Variants in DYNC2H1 observed in about 807,000 individuals in gnomAD.
DYNC2H1 encodes the protein dynein cytoplasmic 2 heavy chain 1.
DYNC2H1 carries 410 observed loss-of-function variants against 570.0 expected under a neutral mutation model. The ratio of observed to expected loss-of-function variants is 0.72; its 90% CI spans 0.66 to 0.78. DYNC2H1 has a LOEUF of 0.78. DYNC2H1 is among the 30% of genes least tolerant of loss of function. The pLI is 0.00. For missense variants in DYNC2H1, 4,865 were observed against 5,046.4 expected (o/e 0.96, Z 1.09); for synonymous variants, 1,688 against 1,677.6 (o/e 1.01, Z -0.15).
chr11:103,402,239 G>T (rs889355457), intron 84 of DYNC2H1: 12 of 152,222 alleles, frequency 7.9e-5, no homozygotes, highest in African/African-American at 2.9e-4. Context: ...CCTGTTGAGG[G>T]TCAACGTCCC....
intron 59 of DYNC2H1, among the ~76,000 whole-genome samples, chr11:103,225,242 G>T (rs1413373797): frequency 2.0e-5 from 3 of 152,104 alleles, no homozygotes; most frequent in Non-Finnish European, 4.4e-5. Flanking sequence ...CTATGCAGAA[G>T]GATTTTAGTT....
intron 34 of DYNC2H1, 53 bp from the exon 35 acceptor site, chr11:103,173,029 T>C (rs1861635649): frequency 2.0e-6 from 2 of 976,412 alleles, no homozygotes; most frequent in South Asian, 3.6e-5. Context: ...ATATGTTAAA[T>C]ATTTTAACTT....
In DYNC2H1 at chr11:103,241,060, G is replaced by A. The variant is rs370080924; in HGVS notation, c.9820-2633G>A. Among the ~76,000 whole-genome samples the A allele has an allele frequency of 2.0e-5, 3 of 151,970 alleles. No individual in the cohort carries two copies. Among genetic ancestry groups the A allele is most frequent in the South Asian group, 4.1e-4 (2 of 4,830 alleles). On this transcript the variant is annotated intron_variant, in intron 63 of 88. Coordinates refer to ENST00000375735, the MANE Select transcript of DYNC2H1 (RefSeq NM_001377.3). This position sits in a 1 kb window ranked among gnomAD's most constrained non-coding sequence, Gnocchi z 5.1. Reference sequence around the variant, plus strand: ...TTTTCTTTCTTCACTTCTTTGCCTAGCTGATCTCTCTTGTCTTAGTTTGAC... The same window carrying A: ...TTTTCTTTCTTCACTTCTTTGCCTAACTGATCTCTCTTGTCTTAGTTTGAC...
chr11:103,327,148 A>G (rs1938540955), intron 82 of DYNC2H1, among the ~76,000 whole-genome samples: 1 of 151,934 alleles, frequency 6.6e-6, no homozygotes, highest in Non-Finnish European at 1.5e-5. Flanking sequence ...CACCCTGAGC[A>G]TCAGCGTCAC....
chr11:103,136,140 G>A (rs903549234), intron 17 of DYNC2H1, among the ~76,000 whole-genome samples, 192 bp downstream of exon 17: 39 of 151,430 alleles, frequency 2.6e-4, no homozygotes, highest in African/African-American at 9.0e-4. Flanking sequence ...TTATGGGAAA[G>A]ATTTTTTTTT....
chr11:103,474,775 GA>G (rs775498440), intron 88 of DYNC2H1, among the ~76,000 whole-genome samples: 1 of 151,968 alleles, frequency 6.6e-6, no homozygotes, highest in Non-Finnish European at 1.5e-5. Context: ...GTATGTTTAG[GA>G]AGAAACATAG....
intron 83 of DYNC2H1, among the ~76,000 whole-genome samples, chr11:103,361,125 A>G (rs1940613752): frequency 6.6e-6 from 1 of 152,204 alleles, no homozygotes. Context: ...AGGGGATGCT[A>G]TGATCTGAAT....
chr11:103,315,944 T>C (rs11225708), intron 79 of DYNC2H1, among the ~76,000 whole-genome samples: 25,184 of 151,966 alleles, frequency 0.17, 2,279 homozygotes, highest in Admixed American at 0.25. Context: ...TATATTTTAA[T>C]TTGAACTTAT....
At chr11:103,121,183 C>A (rs1464484214) in intron 9 of DYNC2H1, 147 bp downstream of exon 9, 3 of 926,782 alleles carry the variant, frequency 3.2e-6, no homozygotes, top group African/African-American at 3.4e-5. Context: ...TTATAAATGA[C>A]AGATTTTTTT....
intron 85 of DYNC2H1, among the ~76,000 whole-genome samples, chr11:103,450,048 G>A (rs111559668): frequency 0.032 from 4,826 of 152,162 alleles, 152 homozygotes; most frequent in Middle Eastern, 0.041. Flanking sequence ...AAGAAAGCTG[G>A]TGTAGCTATA....
chr11:103,321,054 T>C lies in DYNC2H1; in HGVS notation c.11751T>C (p.Phe3917=). The change falls in exon 81 of 89, where the codon TTT becomes TTC. Residue 3917 remains phenylalanine, a synonymous_variant. Transcript: ENST00000375735. ...FDGAKDVQWE[F]VHGLLENAIY... ...GTGCCAAAGATGTACAATGGGAATTTGTACATGGTTTACTTGAAAATGCTA... is the reference window on the plus strand; with the variant it reads ...GTGCCAAAGATGTACAATGGGAATTCGTACATGGTTTACTTGAAAATGCTA... 1.2e-6 allele frequency: 2 copies of C among 1,611,130 alleles called. No homozygotes were observed. Among genetic ancestry groups the C allele is most frequent in the Non-Finnish European group, 1.7e-6 (2 of 1,178,836 alleles).
In DYNC2H1 at chr11:103,326,721, G is replaced by A. The variant is rs1460545302; in HGVS notation, c.12039+2731G>A. Among the ~76,000 whole-genome samples, 2 of 152,212 alleles carry A rather than the reference G, an allele frequency of 1.3e-5. No homozygotes were observed. Among genetic ancestry groups the A allele is most frequent in the African/African-American group, 2.4e-5 (1 of 41,464 alleles). On this transcript the variant is annotated intron_variant, in intron 82 of 88. Coordinates refer to ENST00000375735, the MANE Select transcript of DYNC2H1 (RefSeq NM_001377.3). The surrounding 1 kb of genome is among the most constrained non-coding windows in gnomAD (Gnocchi z 6.1). ...CACGATCCTGCGGGGTGGCTATGGA[G>A]GGGCTCGGCAGTGGGAAGGCCTGCA...
intron 83 of DYNC2H1, among the ~76,000 whole-genome samples, chr11:103,374,572 C>T (rs2671377): frequency 0.67 from 102,369 of 151,954 alleles, 34,571 homozygotes; most frequent in Admixed American, 0.73. Flanking sequence ...ACTTGTTGAA[C>T]GGCTTTGACC....
intron 17 of DYNC2H1, among the ~76,000 whole-genome samples, chr11:103,139,274 C>G (rs1859757589): frequency 2.0e-5 from 3 of 150,702 alleles, no homozygotes; most frequent in African/African-American, 4.9e-5. Context: ...TGTGTTTGCT[C>G]TTGCTTTTCT....
At chr11:103,473,944 A>G (rs776738526) in intron 88 of DYNC2H1, 2 of 154,126 alleles carry the variant, frequency 1.3e-5, no homozygotes, top group Non-Finnish European at 2.9e-5. Context: ...ACTCAGGAAA[A>G]CAATCATTAC....
At chr11:103,257,403 A>T (rs1865098742) in intron 68 of DYNC2H1, among the ~76,000 whole-genome samples, 1 of 152,224 alleles carries the variant, frequency 6.6e-6, no homozygotes, top group South Asian at 2.1e-4. Flanking sequence ...TTGCAGTTTT[A>T]TAAAAATGAG....
In DYNC2H1 at chr11:103,170,288, G is replaced by C; in HGVS notation, c.5149G>C (p.Glu1717Gln). The change falls in exon 33 of 89, where the codon GAG becomes CAG. Residue 1717 changes from glutamate to glutamine, a missense_variant and splice_region_variant. Glu to Gln is a conservative substitution (Grantham distance 29, BLOSUM62 2). Around this residue, in one of 5 missense-constraint regions of DYNC2H1, gnomAD observed 292 missense variants for 300.2 expected, o/e 0.97. Coordinates refer to ENST00000375735, the MANE Select transcript of DYNC2H1 (RefSeq NM_001377.3). This position sits in a 1 kb window ranked among gnomAD's most constrained non-coding sequence, Gnocchi z 4.8. Reference sequence around the variant, plus strand: ...ACAAGTTTTAGTCTTTAATTGTGATGAGGTAGAATAAATAATTATCAAAAT... The same window carrying C: ...ACAAGTTTTAGTCTTTAATTGTGATCAGGTAGAATAAATAATTATCAAAAT... ...GRQVLVFNCD[E>Q]GIDVKSMGRI... 1 of 1,567,214 alleles carries C rather than the reference G, an allele frequency of 6.4e-7. No individual in the cohort carries two copies. Among genetic ancestry groups the C allele is most frequent in the South Asian group, 1.2e-5 (1 of 80,906 alleles).
chr11:103,408,220 T>C (rs1942945566), intron 84 of DYNC2H1: 2 of 152,128 alleles, frequency 1.3e-5, no homozygotes, highest in South Asian at 4.1e-4. Context: ...AAAAGTTTTA[T>C]TGCATCAGCA....
At chr11:103,460,859 G>T (rs1944987554) in intron 87 of DYNC2H1, among the ~76,000 whole-genome samples, 1 of 151,346 alleles carries the variant, frequency 6.6e-6, no homozygotes. Context: ...TTTTCATTTG[G>T]GATTCATTAA....
Sources: gnomAD v4.1 joint callset for allele counts (sites outside exome capture counted in the v4.1 genomes callset) on GRCh38, gnomAD v4.1.1 for gene constraint, gnomAD v4.1.1 regional missense constraint, Gnocchi (gnomAD v3.1) non-coding constraint, MANE v1.5 for transcripts, NCBI Gene and HGNC (gene_info 2026-07-23, HGNC 2026-07-21) for gene names.